BABAM2: variants seen among roughly 807,000 people sequenced by gnomAD.
BABAM2 encodes BRISC and BRCA1 A complex member 2, also known as BRISC and BRCA1-A complex member 2.
In BABAM2, 31 loss-of-function variants were observed where a neutral mutation model predicts 54.7. The observed-to-expected ratio is 0.57, with a 90% CI of 0.43 to 0.77. The LOEUF is 0.77. BABAM2 is among the 30% of genes least tolerant of loss of function. BABAM2 has a pLI of 0.00. For synonymous variants in BABAM2, 167 were observed against 162.9 expected (o/e 1.03, Z -0.19); for missense variants, 364 against 455.8 (o/e 0.80, Z 1.83).
intron 7 of BABAM2, among the ~76,000 whole-genome samples, chr2:28,198,222 GGT>G (rs1677832810): frequency 6.6e-6 from 1 of 151,690 alleles, no homozygotes; most frequent in Non-Finnish European, 1.5e-5. Context: ...GGAGTGCAGT[GGT>G]ACAATCTCGG....
At chr2:28,179,655 G>A (rs1675404549) in intron 7 of BABAM2, among the ~76,000 whole-genome samples, 1 of 152,078 alleles carries the variant, frequency 6.6e-6, no homozygotes, top group African/African-American at 2.4e-5. Context: ...AAGAAATAAA[G>A]GCATAACAAT....
At chr2:27,912,067 C>T (rs1666644356) in intron 2 of BABAM2, among the ~76,000 whole-genome samples, 1 of 152,150 alleles carries the variant, frequency 6.6e-6, no homozygotes, top group Admixed American at 6.5e-5. Flanking sequence ...GAGATACAAA[C>T]ATTGAACCAA....
chr2:28,033,054 T>C (rs1676413929), intron 5 of BABAM2, among the ~76,000 whole-genome samples: 1 of 152,168 alleles, frequency 6.6e-6, no homozygotes, highest in Non-Finnish European at 1.5e-5. Context: ...CAAAGATCTC[T>C]ACTGCTACCC....
chr2:27,927,431 T>C (rs1481058749), intron 2 of BABAM2, among the ~76,000 whole-genome samples: 1 of 152,178 alleles, frequency 6.6e-6, no homozygotes, highest in Non-Finnish European at 1.5e-5. Flanking sequence ...AGCATTGCAG[T>C]TGAATGCAAT....
chr2:28,218,200 A>G (rs66689582), intron 7 of BABAM2, among the ~76,000 whole-genome samples: 14,914 of 152,186 alleles, frequency 0.098, 815 homozygotes, highest in Middle Eastern at 0.17. Context: ...TAAATGTTTC[A>G]GAATGTATTT....
intron 3 of BABAM2, among the ~76,000 whole-genome samples, chr2:27,980,069 C>G (rs898032): frequency 0.64 from 97,969 of 152,040 alleles, 33,540 homozygotes; most frequent in Middle Eastern, 0.8. Flanking sequence ...GAACTTCTGC[C>G]CCCATTGCTC....
At chr2:28,327,124 A>G in intron 11 of BABAM2, 1 of 770,106 alleles carries the variant, frequency 1.3e-6, no homozygotes, top group Non-Finnish European at 2.1e-6. Flanking sequence ...GTATGTGTAG[A>G]TGCGTGCATA....
Position 28,016,822 on chromosome 2 carries a change from T to C in BABAM2, c.301-8404T>C, listed in dbSNP as rs1370937340. 2.6e-5 allele frequency among the ~76,000 whole-genome samples: 4 copies of C among 152,254 alleles called. No homozygotes were observed. The East Asian group carries it at 7.7e-4, about 29-fold the overall frequency. On this transcript the variant is annotated intron_variant, in intron 4 of 11. Coordinates refer to ENST00000379624, the MANE Select transcript of BABAM2 (RefSeq NM_199191.3). The stretch of plus-strand genomic sequence containing the variant: ...TGAAGGGTACTACTGTGATATTCTT[T>C]CTTGTCTCCACTTCATTTTGTTCGT...
intron 10 of BABAM2, among the ~76,000 whole-genome samples, chr2:28,277,059 C>T (rs974178973): frequency 6.6e-6 from 1 of 152,168 alleles, no homozygotes; most frequent in African/African-American, 2.4e-5. Context: ...CTGACACACA[C>T]TGATGACATA....
intron 6 of BABAM2, among the ~76,000 whole-genome samples, chr2:28,124,489 A>G (rs1475146942): frequency 1.3e-5 from 2 of 152,216 alleles, no homozygotes; most frequent in Admixed American, 6.5e-5. Context: ...CTAGTTCTGG[A>G]GGACTTGGTG....
intron 7 of BABAM2, among the ~76,000 whole-genome samples, chr2:28,148,939 A>G (rs1320290408): frequency 6.6e-6 from 1 of 152,194 alleles, no homozygotes; most frequent in Non-Finnish European, 1.5e-5. Flanking sequence ...TGGACCCAGT[A>G]TCACGCAGGA....
intron 11 of BABAM2, among the ~76,000 whole-genome samples, chr2:28,336,856 G>A (rs1462835382): frequency 6.6e-6 from 1 of 152,256 alleles, no homozygotes; most frequent in African/African-American, 2.4e-5. Flanking sequence ...TCCCCGGTGA[G>A]TGCTCGTGCT....
intron 7 of BABAM2, among the ~76,000 whole-genome samples, chr2:28,216,583 C>T (rs916144754): frequency 6.6e-6 from 1 of 152,124 alleles, no homozygotes; most frequent in African/African-American, 2.4e-5. Context: ...AGCATGTGTA[C>T]GTGTTAGTGA....
intron 3 of BABAM2, among the ~76,000 whole-genome samples, chr2:27,978,553 T>G (rs1359523073): frequency 6.6e-6 from 1 of 152,236 alleles, no homozygotes; most frequent in Admixed American, 6.5e-5. Context: ...ACTTGGAGTT[T>G]CAGTCAGTAA....
In BABAM2 at chr2:28,259,834, C is replaced by T. The variant is rs187571845; in HGVS notation, c.934+14972C>T. On this transcript the variant is annotated intron_variant, in intron 10 of 11. Transcript: ENST00000379624. ...CAGTTTGTTGAAAAGTCTAGTCTTT[C>T]CCCATTAAATTACCTTAGCACCTTT... Among the ~76,000 whole-genome samples, 205 of 151,706 alleles carry T rather than the reference C, an allele frequency of 1.4e-3. 3 individuals are homozygous for T. The highest frequency in any genetic ancestry group is 0.01 in the Middle Eastern group (3 of 292).
At chr2:28,336,157 A>AG (rs1178136355) in intron 11 of BABAM2, among the ~76,000 whole-genome samples, 1 of 152,206 alleles carries the variant, frequency 6.6e-6, no homozygotes, top group Non-Finnish European at 1.5e-5. Context: ...CCTCATGTCC[A>AG]GGGGAGAAGC....
chr2:28,121,386 G>A (rs1398749576), intron 6 of BABAM2, among the ~76,000 whole-genome samples: 3 of 152,192 alleles, frequency 2.0e-5, no homozygotes, highest in Admixed American at 6.5e-5. Context: ...TCTTAGCAGT[G>A]AGACCAAGGT....
chr2:28,016,253 C>G, intron 4 of BABAM2: 3 of 902,920 alleles, frequency 3.3e-6, no homozygotes, highest in Non-Finnish European at 5.3e-6. Context: ...CAATTTCCCC[C>G]TGTGTTTTTC....
chr2:27,916,488 C>T (rs974153251), intron 2 of BABAM2, among the ~76,000 whole-genome samples: 2 of 152,198 alleles, frequency 1.3e-5, no homozygotes, highest in African/African-American at 4.8e-5. Context: ...CAGGACATTT[C>T]TGTAACTTGT....
Sources: allele counts gnomAD v4.1 joint callset (sites outside exome capture counted in the v4.1 genomes callset), GRCh38; gene constraint gnomAD v4.1.1; transcripts MANE v1.5; gene names NCBI Gene and HGNC (gene_info 2026-07-23, HGNC 2026-07-21).